The following VPS50 variants were observed in gnomAD, a reference collection of about 807,000 sequenced individuals.
The protein encoded by VPS50 is VPS50 subunit of EARP/GARPII complex.
VPS50 carries 70 observed loss-of-function variants against 139.7 expected under a neutral mutation model. That is an observed-to-expected ratio of 0.50 (90% CI 0.41 to 0.61). VPS50 has a LOEUF of 0.61. VPS50 is among the 20% of genes least tolerant of loss of function. VPS50 has a pLI of 0.00. For synonymous variants in VPS50, 365 were observed against 376.7 expected, an observed-to-expected ratio of 0.97 and a Z score of 0.36; for missense variants, 921 against 1,133.7, an observed-to-expected ratio of 0.81 and a Z score of 2.69.
intron 21 of VPS50, among the ~76,000 whole-genome samples, chr7:93,333,283 G>C (rs1797987223): frequency 6.6e-6 from 1 of 152,058 alleles, no homozygotes; most frequent in Non-Finnish European, 1.5e-5. Context: ...TATCTCAAAT[G>C]GGAGAGGAAG....
intron 12 of VPS50, 64 bp downstream of exon 12, chr7:93,276,369 T>C: frequency 6.5e-7 from 1 of 1,538,040 alleles, no homozygotes; most frequent in Non-Finnish European, 8.8e-7. Context: ...ATATTTCCTT[T>C]ATCTTGGTAC....
intron 2 of VPS50, among the ~76,000 whole-genome samples, chr7:93,244,568 C>G (rs73218080): frequency 0.025 from 3,776 of 151,930 alleles, 78 homozygotes; most frequent in Non-Finnish European, 0.038. Flanking sequence ...ATGTTTTATA[C>G]TTTCTATATT....
In VPS50 at chr7:93,250,287, T is replaced by A. The variant is rs192420038; in HGVS notation, c.103-2366T>A. 2.0e-5 allele frequency among the ~76,000 whole-genome samples: 3 copies of A among 152,234 alleles called. No homozygotes were observed. In the East Asian group the frequency reaches 5.8e-4, roughly 29 times the overall value. ...AATAGGGAATAATTTTATAGTTAGT[T>A]TTACAAATACAAAATATAAGTTAAA... is the stretch of plus-strand genomic sequence containing the variant. On this transcript the variant is annotated intron_variant, in intron 2 of 27. Coordinates refer to ENST00000305866, the MANE Select transcript of VPS50 (RefSeq NM_017667.4).
At chr7:93,238,063 T>G (rs1794870707) in intron 1 of VPS50, among the ~76,000 whole-genome samples, 2 of 152,196 alleles carry the variant, frequency 1.3e-5, no homozygotes, top group South Asian at 4.1e-4. Context: ...AAAATATATT[T>G]TAGGGGTGGT....
intron 20 of VPS50, among the ~76,000 whole-genome samples, chr7:93,317,984 A>G (rs1477754133): frequency 6.6e-6 from 1 of 151,850 alleles, no homozygotes; most frequent in Non-Finnish European, 1.5e-5. Context: ...AGAAAAAAAT[A>G]TTTTCATATG....
chr7:93,324,693 A>G (rs1170591512), intron 21 of VPS50, among the ~76,000 whole-genome samples: 2 of 152,170 alleles, frequency 1.3e-5, no homozygotes, highest in Non-Finnish European at 2.9e-5. Flanking sequence ...CCCATTCACA[A>G]TTGCTTCAAA....
intron 12 of VPS50, among the ~76,000 whole-genome samples, chr7:93,288,009 T>C (rs1438410385): frequency 6.6e-6 from 1 of 152,110 alleles, no homozygotes; most frequent in Non-Finnish European, 1.5e-5. Context: ...TCCACATGAC[T>C]GGGGAGGCCT....
At chr7:93,238,233 C>T (rs1490494095) in intron 1 of VPS50, among the ~76,000 whole-genome samples, 3 of 151,894 alleles carry the variant, frequency 2.0e-5, no homozygotes, top group Admixed American at 1.3e-4. Flanking sequence ...AACAAACCGC[C>T]CAAGACTAGT....
At chr7:93,335,172 GACAAACAAATGTGTA>G (rs1254360776) in intron 22 of VPS50, among the ~76,000 whole-genome samples, 1 of 152,168 alleles carries the variant, frequency 6.6e-6, no homozygotes, top group Non-Finnish European at 1.5e-5. Context: ...GGAGCAGAGA[GACAAACAAATGTGTA>G]ACATAGTGTC....
At chr7:93,312,590 C>T (rs1797301374) in intron 20 of VPS50, among the ~76,000 whole-genome samples, 1 of 152,042 alleles carries the variant, frequency 6.6e-6, no homozygotes, top group African/African-American at 2.4e-5. Flanking sequence ...AAGAGTTATG[C>T]CCTTAGAAGC....
chr7:93,256,448 TATC>T (rs1376783413), intron 4 of VPS50, 58 bp from the exon 5 acceptor site: 1 of 812,448 alleles, frequency 1.2e-6, no homozygotes, highest in Non-Finnish European at 1.9e-6. Flanking sequence ...AAATATAAAA[TATC>T]ATAGAAAGCA....
rs192680302 is a variant in VPS50, at chr7:93,250,948, T to G, written c.103-1705T>G. On this transcript the variant is annotated intron_variant, in intron 2 of 27. Transcript: ENST00000305866. ...AAAAAAAGCTCATCATCCCTGGTCATTAGGGAAATCCAAATCAAAACCACA... is the reference window on the plus strand; with the variant it reads ...AAAAAAAGCTCATCATCCCTGGTCAGTAGGGAAATCCAAATCAAAACCACA... Among the ~76,000 whole-genome samples, 454 of 152,312 alleles carry G rather than the reference T, an allele frequency of 3.0e-3. 5 individuals carry two copies. Among genetic ancestry groups the G allele is most frequent in the Non-Finnish European group, 4.1e-3 (279 of 68,020 alleles).
chr7:93,292,049 A>G (rs1364450618), intron 13 of VPS50, among the ~76,000 whole-genome samples: 1 of 152,104 alleles, frequency 6.6e-6, no homozygotes, highest in African/African-American at 2.4e-5. Flanking sequence ...TAAGTGGCAC[A>G]TAGTACTAGT....
chr7:93,326,361 T>C (rs1407121188), intron 21 of VPS50, among the ~76,000 whole-genome samples: 1 of 148,748 alleles, frequency 6.7e-6, no homozygotes, highest in Non-Finnish European at 1.5e-5. Context: ...GACGAGTTAA[T>C]GGGTGCAGCA....
chr7:93,274,989 G>T (rs932972445), intron 11 of VPS50, among the ~76,000 whole-genome samples: 4 of 152,112 alleles, frequency 2.6e-5, no homozygotes, highest in Non-Finnish European at 5.9e-5. Flanking sequence ...GACTTTGAGG[G>T]GTTCAAAACT....
chr7:93,287,706 T>TCC (rs1796531877), intron 12 of VPS50, among the ~76,000 whole-genome samples: 1 of 152,086 alleles, frequency 6.6e-6, no homozygotes. Context: ...CTAATAAAAG[T>TCC]TAGAACTACT....
At chr7:93,237,620 T>C (rs1384554459) in intron 1 of VPS50, among the ~76,000 whole-genome samples, 1 of 152,238 alleles carries the variant, frequency 6.6e-6, no homozygotes, top group Non-Finnish European at 1.5e-5. Context: ...GGGATTTCTG[T>C]TAGATTAGTT....
At chr7:93,248,459 T>C (rs919494027) in intron 2 of VPS50, among the ~76,000 whole-genome samples, 6 of 152,100 alleles carry the variant, frequency 3.9e-5, no homozygotes, top group African/African-American at 1.4e-4. Context: ...TGCTTCTGTT[T>C]ATTTTTCTAA....
At chr7:93,246,601 A>G (rs992134252) in intron 2 of VPS50, among the ~76,000 whole-genome samples, 2 of 151,950 alleles carry the variant, frequency 1.3e-5, no homozygotes, top group African/African-American at 2.4e-5. Context: ...TGCAGAAAAT[A>G]TTGAGTTTAA....
Sources: allele counts gnomAD v4.1 joint callset (sites outside exome capture counted in the v4.1 genomes callset), GRCh38; gene constraint gnomAD v4.1.1; transcripts MANE v1.5; gene names NCBI Gene and HGNC (gene_info 2026-07-23, HGNC 2026-07-21).